ACOT9: variants seen among roughly 807,000 people sequenced by gnomAD.
ACOT9 encodes acyl-coenzyme A thioesterase 9, mitochondrial.
In ACOT9, 34 loss-of-function variants were observed where a neutral mutation model predicts 39.7. That is an observed-to-expected ratio of 0.86 (90% CI 0.65 to 1.14). The LOEUF (loss-of-function observed/expected upper bound fraction) is 1.14. Among genes scored for constraint, ACOT9 ranks in the 50% most tolerant of loss-of-function variants. The pLI is 0.00. For synonymous variants in ACOT9, 110 were observed against 120.5 expected, an observed-to-expected ratio of 0.91 and a Z score of 0.57; for missense variants, 313 against 344.1, an observed-to-expected ratio of 0.91 and a Z score of 0.71.
intron 1 of ACOT9, 75 bp downstream of exon 1, chrX:23,743,050 G>C: frequency 2.8e-6 from 3 of 1,076,280 alleles, no homozygotes; most frequent in Non-Finnish European, 3.7e-6. Flanking sequence ...GCCGGGGCCA[G>C]CCCGAAGCTC....
At chrX:23,724,053 A>G (rs996750017) in intron 6 of ACOT9, among the ~76,000 whole-genome samples, 2 of 111,672 alleles carry the variant, frequency 1.8e-5, no homozygotes, top group African/African-American at 6.5e-5. Context: ...ACTTGAGCCT[A>G]GGAGTTCAAG....
chrX:23,712,756 G>C (rs989596608), intron 9 of ACOT9, among the ~76,000 whole-genome samples: 1 of 111,877 alleles, frequency 8.9e-6, no homozygotes, highest in Non-Finnish European at 1.9e-5. Context: ...CAGTAGCTGG[G>C]ACCATAGGCG....
intron 8 of ACOT9, among the ~76,000 whole-genome samples, chrX:23,713,457 T>C (rs888964039): frequency 1.1e-4 from 12 of 107,216 alleles, no homozygotes; most frequent in Non-Finnish European, 2.3e-4. Flanking sequence ...CGCATGCCTC[T>C]AACCTCAGCT....
At chrX:23,736,922 C>T (rs1324831059) in intron 1 of ACOT9, among the ~76,000 whole-genome samples, 1 of 112,287 alleles carries the variant, frequency 8.9e-6, no homozygotes, top group Non-Finnish European at 1.9e-5. Context: ...CTCCTAATCA[C>T]ACAATATTAT....
rs143799633 is a variant in ACOT9, at chrX:23,719,183, T to A, written c.588+2698A>T. ...TACTTGGGAGGCTGAGGCATGAGAA[T>A]CACTGGAACCCGAGGGGCAGAGGTA... On this transcript the variant is annotated intron_variant, in intron 8 of 15. Transcript: ENST00000379303. Among the ~76,000 whole-genome samples the A allele has an allele frequency of 4.5e-4, 50 of 110,478 alleles. No individual in the cohort carries two copies. In the East Asian group the frequency reaches 0.014, roughly 32 times the overall value.
chrX:23,733,682 G>A (rs1392974203), intron 3 of ACOT9, among the ~76,000 whole-genome samples: 3 of 111,688 alleles, frequency 2.7e-5, no homozygotes, highest in Non-Finnish European at 3.8e-5. Context: ...GGGTTCAGGC[G>A]ATTCTCCTGC....
At chrX:23,731,506 T>G (rs2146850867) in intron 4 of ACOT9, among the ~76,000 whole-genome samples, 1 of 107,056 alleles carries the variant, frequency 9.3e-6, no homozygotes, top group Non-Finnish European at 1.9e-5. Flanking sequence ...AACTTAAAAC[T>G]GATATAGATA....
rs1169838026 is a variant in ACOT9 at position 23,703,128 on chromosome X, A to G, written c.*766T>C. ...TTAAATCCCTTCGCCCCAACTTTTCATCTACCCTCTGACAACAAAAGCTGG... is the reference window on the plus strand; with the variant it reads ...TTAAATCCCTTCGCCCCAACTTTTCGTCTACCCTCTGACAACAAAAGCTGG... On this transcript the variant is annotated 3_prime_UTR_variant, in exon 16 of 16. Transcript: ENST00000379303. The G allele has an allele frequency of 9.0e-6, 1 of 111,317 alleles. No individual in the cohort carries two copies. The highest frequency in any genetic ancestry group is 1.9e-5 in the Non-Finnish European group (1 of 53,115). 9.2% of individuals were successfully genotyped at this position (111,317 alleles called of 1,213,427 possible).
At position 23,733,102 on chromosome X, in the gene ACOT9, A is replaced by G. The variant is rs1929815616; in HGVS notation, c.191+70T>C. On this transcript the variant is annotated intron_variant, in intron 4 of 15. Transcript: ENST00000379303. ...CCCCATCCCCACTGTGAGACCATCA[A>G]CTGAGCCTAAATACAGTGTAGTATA... is the stretch of plus-strand genomic sequence containing the variant. 2.9e-6 allele frequency: 3 copies of G among 1,019,543 alleles called. No individual in the cohort carries two copies. In the Admixed American group the frequency reaches 7.6e-5, roughly 26 times the overall value. 84.0% of individuals were successfully genotyped at this position (1,019,543 alleles called of 1,213,427 possible).
Position 23,720,576 on chromosome X carries a change from G to A in ACOT9, c.588+1305C>T. 2.7e-5 allele frequency among the ~76,000 whole-genome samples: 3 copies of A among 111,488 alleles called. 1 individual carries two copies. In the Admixed American group the frequency reaches 2.9e-4, roughly 11 times the overall value. On this transcript the variant is annotated intron_variant, in intron 8 of 15. Transcript: ENST00000379303. ...TGAAGTGCTACAGCTGGAAGCCAAG[G>A]AACGCTAGGGATTGCCAGCAAACCA...
rs1013930331 is a variant in ACOT9, at chrX:23,702,488, T to C, written c.*1406A>G. 1.8e-5 allele frequency: 2 copies of C among 111,245 alleles called. No individual in the cohort carries two copies. Among genetic ancestry groups the C allele is most frequent in the Admixed American group, 9.6e-5 (1 of 10,364 alleles). 9.2% of individuals were successfully genotyped at this position (111,245 alleles called of 1,213,427 possible). On this transcript the variant is annotated 3_prime_UTR_variant, in exon 16 of 16. Transcript: ENST00000379303. ...GGCTGGTCTTGAACTCCTGACCTCA[T>C]GATCCATCCGCCTTGGCCTCCCAAA...
chrX:23,733,269 G>T, intron 3 of ACOT9, 52 bp from the exon 4 acceptor site: 1 of 1,069,103 alleles, frequency 9.4e-7, no homozygotes, highest in Non-Finnish European at 1.3e-6. Flanking sequence ...TATGAGAAAC[G>T]GATTATGGCA....
chrX:23,711,507 T>C (rs898110822), intron 9 of ACOT9, among the ~76,000 whole-genome samples: 28 of 112,309 alleles, frequency 2.5e-4, no homozygotes, highest in South Asian at 7.3e-4. Flanking sequence ...ATCGCCCTAG[T>C]TGTTAAGGGA....
chrX:23,723,599 CAAAAAAA>C (rs34401071), intron 6 of ACOT9, among the ~76,000 whole-genome samples: 4 of 54,381 alleles, frequency 7.4e-5, no homozygotes, highest in African/African-American at 2.1e-4. Context: ...AAGACTGTCT[CAAAAAAA>C]AAAAAAAAAA....
chrX:23,735,846 C>A, intron 2 of ACOT9, 73 bp downstream of exon 2: 1 of 946,494 alleles, frequency 1.1e-6, no homozygotes, highest in Non-Finnish European at 1.5e-6. Flanking sequence ...AACTATCACT[C>A]TATATACCTT....
intron 1 of ACOT9, among the ~76,000 whole-genome samples, chrX:23,741,010 T>C (rs971814150): frequency 7.3e-5 from 8 of 108,846 alleles, no homozygotes; most frequent in African/African-American, 2.3e-4. Context: ...TTAGGAGATA[T>C]ACCTAATGCT....
intron 9 of ACOT9, among the ~76,000 whole-genome samples, chrX:23,711,550 C>T (rs1003136151): frequency 1.2e-4 from 13 of 110,831 alleles, no homozygotes; most frequent in African/African-American, 4.3e-4. Context: ...AGCTAACAAA[C>T]ATAGAAGGAA....
chrX:23,704,604 G>T, intron 15 of ACOT9, 90 bp downstream of exon 15: 1 of 983,831 alleles, frequency 1.0e-6, no homozygotes, highest in Non-Finnish European at 1.4e-6. Context: ...TGTGCTGACA[G>T]GCATCAATAC....
At chrX:23,718,905 C>CAAAAA (rs35558833) in intron 8 of ACOT9, among the ~76,000 whole-genome samples, 1 of 37,864 alleles carries the variant, frequency 2.6e-5, no homozygotes, top group Non-Finnish European at 4.4e-5. Flanking sequence ...GACTCCGTCT[C>CAAAAA]AAAAAAAAAA....
Sources: allele counts gnomAD v4.1 joint callset (sites outside exome capture counted in the v4.1 genomes callset), GRCh38; gene constraint gnomAD v4.1.1; transcripts MANE v1.5; gene names NCBI Gene and HGNC (gene_info 2026-07-23, HGNC 2026-07-21).